Variants in HSD17B2 observed in about 807,000 individuals in gnomAD.
HSD17B2 encodes the protein 17-beta-hydroxysteroid dehydrogenase type 2.
HSD17B2 carries 32 observed loss-of-function variants against 26.9 expected under a neutral mutation model. The observed-to-expected ratio is 1.19, with a 90% CI of 0.90 to 1.60. The LOEUF (loss-of-function observed/expected upper bound fraction) is 1.60, where lower values mean the gene tolerates loss of function less well. HSD17B2 is among the 40% of genes most tolerant of loss of function. HSD17B2 has a pLI of 0.00. For synonymous variants in HSD17B2, 246 were observed against 186.7 expected (o/e 1.32, Z -2.59); for missense variants, 613 against 468.6 (o/e 1.31, Z -2.85).
intron 1 of HSD17B2, among the ~76,000 whole-genome samples, chr16:82,063,753 G>C (rs989270260): frequency 2.6e-5 from 4 of 152,172 alleles, no homozygotes; most frequent in East Asian, 1.9e-4. Flanking sequence ...CAGTGGTTGA[G>C]GGCTGATCAG....
intron 3 of HSD17B2, among the ~76,000 whole-genome samples, chr16:82,085,128 G>A (rs1429526067): frequency 6.6e-6 from 1 of 152,204 alleles, no homozygotes; most frequent in African/African-American, 2.4e-5. Context: ...CACAGTTTCA[G>A]CCTTGAGTTC....
Position 82,088,311 on chromosome 16 carries a change from G to T in HSD17B2, c.665-2591G>T, listed in dbSNP as rs113920858. On this transcript the variant is annotated intron_variant, in intron 3 of 4. Transcript: ENST00000199936. Reference sequence around the variant, plus strand: ...AAAAGCCTGAGTAGCACTAATGGTAGAAAGCCCTTATATGGAGCTACTTTG... The same window carrying T: ...AAAAGCCTGAGTAGCACTAATGGTATAAAGCCCTTATATGGAGCTACTTTG... Among the ~76,000 whole-genome samples the T allele has an allele frequency of 6.6e-3, 1,006 of 152,250 alleles. 12 individuals are homozygous for T. The highest frequency in any genetic ancestry group is 0.052 in the South Asian group (252 of 4,824).
At chr16:82,057,384 A>G (rs1190357875) in intron 1 of HSD17B2, among the ~76,000 whole-genome samples, 1 of 152,070 alleles carries the variant, frequency 6.6e-6, no homozygotes, top group East Asian at 1.9e-4. Flanking sequence ...TTTTTAGTAG[A>G]GACGGGGTTT....
At chr16:82,085,325 A>T (rs1904495470) in intron 3 of HSD17B2, among the ~76,000 whole-genome samples, 1 of 152,216 alleles carries the variant, frequency 6.6e-6, no homozygotes, top group South Asian at 2.1e-4. Flanking sequence ...GAAAGTGGGT[A>T]GAGCAAGACT....
chr16:82,043,999 A>T (rs1337198992), intron 1 of HSD17B2, among the ~76,000 whole-genome samples: 1 of 152,242 alleles, frequency 6.6e-6, no homozygotes, highest in African/African-American at 2.4e-5. Context: ...TGTGGACTGC[A>T]TCATATCAGA....
chr16:82,039,900 A>G (rs1046224173), intron 1 of HSD17B2, among the ~76,000 whole-genome samples: 1 of 152,152 alleles, frequency 6.6e-6, no homozygotes, highest in Non-Finnish European at 1.5e-5. Context: ...TTCATTCCCA[A>G]AGCGGATCCC....
intron 3 of HSD17B2, among the ~76,000 whole-genome samples, chr16:82,088,479 C>T (rs2955156): frequency 0.97 from 148,156 of 152,294 alleles, 72,146 homozygotes; most frequent in Middle Eastern, 1. Context: ...TAATCAATGG[C>T]AGAGCTAGGA....
chr16:82,054,624 C>T (rs544190282), intron 1 of HSD17B2, among the ~76,000 whole-genome samples: 52 of 152,284 alleles, frequency 3.4e-4, no homozygotes, highest in African/African-American at 1.2e-3. Flanking sequence ...GGATTCCAGG[C>T]GTGAGCCACC....
chr16:82,047,372 T>C (rs190676275), intron 1 of HSD17B2, among the ~76,000 whole-genome samples: 1 of 152,172 alleles, frequency 6.6e-6, no homozygotes, highest in Non-Finnish European at 1.5e-5. Flanking sequence ...AGAACTCTGA[T>C]TAGCAGTGTG....
chr16:82,042,550 T>C (rs1174132782), intron 1 of HSD17B2, among the ~76,000 whole-genome samples: 1 of 152,188 alleles, frequency 6.6e-6, no homozygotes, highest in Admixed American at 6.5e-5. Flanking sequence ...AAATTGTGGA[T>C]CTTTGTGTGT....
At chr16:82,066,108 A>G (rs1024645517) in intron 1 of HSD17B2, among the ~76,000 whole-genome samples, 2 of 152,218 alleles carry the variant, frequency 1.3e-5, no homozygotes, top group Non-Finnish European at 2.9e-5. Context: ...CATATATTAT[A>G]TATTAGTACC....
At chr16:82,094,461 G>C (rs1439375213) in intron 4 of HSD17B2, 1 of 152,170 alleles carries the variant, frequency 6.6e-6, no homozygotes, top group Non-Finnish European at 1.5e-5. Context: ...ACATGCCCTT[G>C]GGTGGGGATC....
intron 3 of HSD17B2, among the ~76,000 whole-genome samples, chr16:82,073,580 A>G (rs1914746419): frequency 6.6e-6 from 1 of 152,140 alleles, no homozygotes; most frequent in Non-Finnish European, 1.5e-5. Flanking sequence ...ATCATCACCA[A>G]GTTAACCCAT....
intron 1 of HSD17B2, among the ~76,000 whole-genome samples, chr16:82,038,855 G>A (rs1051851548): frequency 5.3e-5 from 8 of 152,186 alleles, no homozygotes; most frequent in Non-Finnish European, 1.0e-4. Flanking sequence ...CGGACGTGGG[G>A]TGGTGTGGAT....
intron 4 of HSD17B2, chr16:82,095,420 C>T (rs1290944657): frequency 6.5e-6 from 1 of 152,822 alleles, no homozygotes; most frequent in African/African-American, 2.4e-5. Flanking sequence ...CCAGGAGTCA[C>T]CGAAGCTAGC....
chr16:82,039,041 C>G (rs1014971918), intron 1 of HSD17B2, among the ~76,000 whole-genome samples: 3 of 152,102 alleles, frequency 2.0e-5, no homozygotes, highest in African/African-American at 7.2e-5. Flanking sequence ...AAAGTGGGTT[C>G]TGGTCCTTTG....
At chr16:82,081,303 C>G (rs1472590773) in intron 3 of HSD17B2, among the ~76,000 whole-genome samples, 1 of 152,152 alleles carries the variant, frequency 6.6e-6, no homozygotes, top group African/African-American at 2.4e-5. Flanking sequence ...CTAAATTCTC[C>G]TCTCTCCTTC....
intron 3 of HSD17B2, among the ~76,000 whole-genome samples, chr16:82,077,796 A>C (rs1904310397): frequency 6.6e-6 from 1 of 151,078 alleles, no homozygotes; most frequent in Non-Finnish European, 1.5e-5. Flanking sequence ...AGAAAGGAAG[A>C]AAAGAAAAGA....
intron 3 of HSD17B2, among the ~76,000 whole-genome samples, chr16:82,082,731 A>G (rs1396669033): frequency 6.6e-6 from 1 of 152,214 alleles, no homozygotes; most frequent in Non-Finnish European, 1.5e-5. Flanking sequence ...CGCTCAGAAC[A>G]GTGCTTGGCA....
Sources: allele counts gnomAD v4.1 joint callset (sites outside exome capture counted in the v4.1 genomes callset), GRCh38; gene constraint gnomAD v4.1.1; transcripts MANE v1.5; gene names NCBI Gene and HGNC (gene_info 2026-07-23, HGNC 2026-07-21).